FSD1L: variants seen among roughly 807,000 people sequenced by gnomAD.
FSD1L encodes the protein FSD1-like protein.
FSD1L carries 45 observed loss-of-function variants against 71.6 expected under a neutral mutation model. The observed-to-expected ratio is 0.63, with a 90% CI of 0.49 to 0.81. FSD1L has a LOEUF of 0.81. Among genes scored for constraint, FSD1L ranks in the 30% least tolerant of loss-of-function variants. The probability of loss-of-function intolerance (pLI) is 0.00; values close to 1 mark genes in which losing one functional copy is unlikely to be tolerated. For missense variants in FSD1L, 561 were observed against 618.1 expected (o/e 0.91, Z 0.98); for synonymous variants, 197 against 207.2 (o/e 0.95, Z 0.42).
chr9:105,465,874 A>C (rs896852277), intron 3 of FSD1L, among the ~76,000 whole-genome samples: 1 of 150,572 alleles, frequency 6.6e-6, no homozygotes. Context: ...TACTCTCACC[A>C]CTTTTTTTTT....
chr9:105,524,240 T>G, intron 10 of FSD1L: 2 of 1,612,334 alleles, frequency 1.2e-6, no homozygotes, highest in South Asian at 2.2e-5. Flanking sequence ...AGTTTACTAA[T>G]AAAACAGTAG....
chr9:105,471,252 G>A (rs911150290), intron 4 of FSD1L, among the ~76,000 whole-genome samples: 3 of 152,198 alleles, frequency 2.0e-5, no homozygotes, highest in Admixed American at 2.0e-4. Context: ...CCTGGCATGA[G>A]TGATGTTCCA....
chr9:105,523,011 G>A lies in FSD1L; in HGVS notation c.1025+10075G>A. The A allele has an allele frequency of 1.3e-5, 21 of 1,614,090 alleles. 1 individual carries two copies. The South Asian group carries it at 2.3e-4, about 18-fold the overall frequency. ...GGATTCTTTCAGCGCTTTCCAATAT[G>A]ATGGCCAAAAATTTGACAATTTTGG... On this transcript the variant is annotated intron_variant, in intron 10 of 13. Coordinates refer to ENST00000481272, the MANE Select transcript of FSD1L (RefSeq NM_001145313.3).
At chr9:105,465,189 A>G (rs888103206) in intron 3 of FSD1L, among the ~76,000 whole-genome samples, 1 of 152,216 alleles carries the variant, frequency 6.6e-6, no homozygotes, top group Non-Finnish European at 1.5e-5. Flanking sequence ...GAAATGTACA[A>G]TCTACCAAGA....
chr9:105,462,292 T>G (rs986297061), intron 2 of FSD1L, among the ~76,000 whole-genome samples: 1 of 149,700 alleles, frequency 6.7e-6, no homozygotes, highest in Non-Finnish European at 1.5e-5. Flanking sequence ...CTCGGCTCAC[T>G]GCAACCTCCA....
In FSD1L at chr9:105,480,965, G is replaced by A. The variant is rs146832508; in HGVS notation, c.464+1589G>A. On this transcript the variant is annotated intron_variant, in intron 6 of 13. Coordinates refer to ENST00000481272, the MANE Select transcript of FSD1L (RefSeq NM_001145313.3). Reference sequence around the variant, plus strand: ...CTCTTTGCATCACAGAATCTTGTCTGTATCCTTAAACTCTTTGTCTTTGCC... The same window carrying A: ...CTCTTTGCATCACAGAATCTTGTCTATATCCTTAAACTCTTTGTCTTTGCC... Among the ~76,000 whole-genome samples, 934 of 152,134 alleles carry A rather than the reference G, an allele frequency of 6.1e-3. 28 individuals are homozygous for A. Among genetic ancestry groups the A allele is most frequent in the Admixed American group, 0.054 (832 of 15,284 alleles).
chr9:105,543,883 C>T (rs2131533559), intron 13 of FSD1L, among the ~76,000 whole-genome samples: 1 of 152,298 alleles, frequency 6.6e-6, no homozygotes, highest in East Asian at 1.9e-4. Context: ...AATAGTGCCG[C>T]AATAAACATA....
At chr9:105,539,147 T>A (rs1589109821) in intron 12 of FSD1L, 116 bp from the exon 13 acceptor site, 3 of 591,230 alleles carry the variant, frequency 5.1e-6, no homozygotes, top group Non-Finnish European at 8.8e-6. Flanking sequence ...CCAGTCCTCA[T>A]ACAAAAATTA....
rs115217585 is a variant in FSD1L at position 105,479,791 on chromosome 9, C to T, written c.464+415C>T. Reference sequence around the variant, plus strand: ...TTTAAGTAGTCCTCAAGAACTAAAGCGCTCCTATTTCACTGCCCTCCTGTT... The same window carrying T: ...TTTAAGTAGTCCTCAAGAACTAAAGTGCTCCTATTTCACTGCCCTCCTGTT... On this transcript the variant is annotated intron_variant, in intron 6 of 13. Coordinates refer to ENST00000481272, the MANE Select transcript of FSD1L (RefSeq NM_001145313.3). Among the ~76,000 whole-genome samples, 185 of 152,250 alleles carry T rather than the reference C, an allele frequency of 1.2e-3. 2 individuals carry two copies. Among genetic ancestry groups the T allele is most frequent in the African/African-American group, 4.2e-3 (176 of 41,542 alleles).
chr9:105,508,174 CTT>C (rs11320443), intron 8 of FSD1L, among the ~76,000 whole-genome samples: 13,868 of 100,278 alleles, frequency 0.14, 673 homozygotes, highest in Admixed American at 0.22. Flanking sequence ...ACATATCACT[CTT>C]TTTTTTTTTT....
chr9:105,525,031 A>G, intron 10 of FSD1L: 1 of 1,580,862 alleles, frequency 6.3e-7, no homozygotes, highest in Non-Finnish European at 8.6e-7. Flanking sequence ...CAGCCAATTC[A>G]AATGTCAGAA....
In FSD1L at chr9:105,532,385, A is replaced by G. The variant is rs569502131; in HGVS notation, c.1026-2108A>G. 3.2e-4 allele frequency among the ~76,000 whole-genome samples: 48 copies of G among 152,320 alleles called. 1 individual carries two copies. The highest frequency in any genetic ancestry group is 1.1e-3 in the African/African-American group (46 of 41,560). On this transcript the variant is annotated intron_variant, in intron 10 of 13. Transcript: ENST00000481272. ...ATGTTTGCAGTTTTACTTTCTTACT[A>G]TACTAGTTAATGACTCTTACAAGTA... is the stretch of plus-strand genomic sequence containing the variant.
At chr9:105,459,100 T>C (rs1830532119) in intron 1 of FSD1L, among the ~76,000 whole-genome samples, 1 of 152,236 alleles carries the variant, frequency 6.6e-6, no homozygotes, top group Admixed American at 6.5e-5. Flanking sequence ...TCCCCTTGTA[T>C]ACCTCCTAGA....
chr9:105,490,888 A>G (rs1458226654), intron 7 of FSD1L, among the ~76,000 whole-genome samples: 1 of 141,308 alleles, frequency 7.1e-6, no homozygotes, highest in South Asian at 2.4e-4. Flanking sequence ...TACCAGTACC[A>G]TGCTGTTTTG....
intron 7 of FSD1L, among the ~76,000 whole-genome samples, chr9:105,494,683 T>G (rs1010370395): frequency 2.6e-5 from 4 of 152,226 alleles, no homozygotes; most frequent in Non-Finnish European, 5.9e-5. Flanking sequence ...GTTTTTGGCG[T>G]GGATGTCCTT....
chr9:105,504,001 G>C (rs1464921960), intron 7 of FSD1L, among the ~76,000 whole-genome samples: 2 of 152,202 alleles, frequency 1.3e-5, no homozygotes, highest in Non-Finnish European at 2.9e-5. Context: ...GCTGAATTGA[G>C]ATGTAGATAG....
chr9:105,525,197 G>A, intron 10 of FSD1L: 1 of 1,600,668 alleles, frequency 6.2e-7, no homozygotes. Context: ...TGAATGCTTA[G>A]AAGATATAAC....
At chr9:105,481,185 T>G (rs1392786185) in intron 6 of FSD1L, among the ~76,000 whole-genome samples, 3 of 74,080 alleles carry the variant, frequency 4.0e-5, no homozygotes, top group African/African-American at 1.1e-4. Flanking sequence ...GTGTGGTTCT[T>G]TTTTTTTTTT....
At chr9:105,506,921 G>A (rs1049367578) in intron 8 of FSD1L, among the ~76,000 whole-genome samples, 5 of 151,968 alleles carry the variant, frequency 3.3e-5, no homozygotes, top group African/African-American at 7.3e-5. Flanking sequence ...ATAGGCACAC[G>A]CCACCACACT....
Sources: gnomAD v4.1 joint callset for allele counts (sites outside exome capture counted in the v4.1 genomes callset) on GRCh38, gnomAD v4.1.1 for gene constraint, MANE v1.5 for transcripts, NCBI Gene and HGNC (gene_info 2026-07-23, HGNC 2026-07-21) for gene names.